Variants in ANKS1A observed in about 807,000 individuals in gnomAD.
ANKS1A encodes the protein ankyrin repeat and SAM domain-containing protein 1A.
A neutral mutation model predicts 120.3 loss-of-function variants in ANKS1A; 55 were observed. The observed-to-expected ratio is 0.46, with a 90% CI of 0.37 to 0.57. ANKS1A has a LOEUF of 0.57. Ranked by LOEUF, ANKS1A falls within the 20% of genes least tolerant of loss-of-function variation. The pLI, the probability that ANKS1A is intolerant of heterozygous loss-of-function variation, is 0.00. For synonymous variants in ANKS1A, 590 were observed against 604.7 expected, an observed-to-expected ratio of 0.98 and a Z score of 0.36; for missense variants, 1,123 against 1,480.3, an observed-to-expected ratio of 0.76 and a Z score of 3.96.
At chr6:34,957,032 C>T (rs1277105251) in intron 1 of ANKS1A, among the ~76,000 whole-genome samples, 10 of 152,242 alleles carry the variant, frequency 6.6e-5, no homozygotes, top group African/African-American at 1.4e-4. Flanking sequence ...GAATTGGCAT[C>T]GCCTTCACAG....
intron 1 of ANKS1A, among the ~76,000 whole-genome samples, chr6:34,953,570 C>G (rs765086229): frequency 6.6e-6 from 1 of 152,206 alleles, no homozygotes; most frequent in Non-Finnish European, 1.5e-5. Context: ...CTTTTTCTTG[C>G]TAATGGCATT....
intron 1 of ANKS1A, among the ~76,000 whole-genome samples, chr6:34,936,448 G>A (rs1769262670): frequency 6.6e-6 from 1 of 152,180 alleles, no homozygotes; most frequent in Non-Finnish European, 1.5e-5. Context: ...ACTGTAGATG[G>A]CTCAGGATAT....
chr6:34,922,619 C>T (rs533657980), intron 1 of ANKS1A, among the ~76,000 whole-genome samples: 53 of 151,956 alleles, frequency 3.5e-4, no homozygotes, highest in Admixed American at 1.0e-3. Flanking sequence ...ATAGGTTCTG[C>T]TGTGAGGTTG....
intron 13 of ANKS1A, among the ~76,000 whole-genome samples, chr6:35,067,886 ATT>A (rs750257307): frequency 0.032 from 3,376 of 106,744 alleles, 23 homozygotes; most frequent in Middle Eastern, 0.056. Context: ...TTCATTTTCA[ATT>A]TTTTTTTTTT....
chr6:34,973,907 TC>T (rs1771328690), intron 3 of ANKS1A, among the ~76,000 whole-genome samples: 1 of 67,792 alleles, frequency 1.5e-5, no homozygotes, highest in African/African-American at 5.9e-5. Flanking sequence ...CCCTTCCCCT[TC>T]CCCTTCCCTT....
At chr6:35,011,077 G>A (rs1293335406) in intron 10 of ANKS1A, among the ~76,000 whole-genome samples, 1 of 152,182 alleles carries the variant, frequency 6.6e-6, no homozygotes, top group Non-Finnish European at 1.5e-5. Context: ...ATGTAGAAGG[G>A]ATACTAATTC....
intron 14 of ANKS1A, 37 bp downstream of exon 14, chr6:35,078,693 G>C: frequency 6.3e-7 from 1 of 1,586,464 alleles, no homozygotes; most frequent in Non-Finnish European, 8.6e-7. Context: ...AGCCCGTGCG[G>C]AGCCAGGGCC....
At chr6:35,045,399 T>C (rs777513506) in intron 11 of ANKS1A, among the ~76,000 whole-genome samples, 195 of 152,346 alleles carry the variant, frequency 1.3e-3, no homozygotes, top group Non-Finnish European at 1.3e-3. Context: ...CGACTTTTTT[T>C]CACCTTATAG....
intron 1 of ANKS1A, among the ~76,000 whole-genome samples, chr6:34,948,038 G>GT (rs200177194): frequency 1.1e-4 from 16 of 149,890 alleles, no homozygotes; most frequent in African/African-American, 2.5e-4. Flanking sequence ...ATCGAAGTTT[G>GT]TTTGTTTTTT....
chr6:35,094,013 C>T (rs1778386943), downstream of ANKS1A, among the ~76,000 whole-genome samples: 1 of 152,146 alleles, frequency 6.6e-6, no homozygotes, highest in African/African-American at 2.4e-5. Flanking sequence ...CAGGGGCAGC[C>T]GGGAGTGCCA....
At chr6:34,935,906 C>CA (rs1298076624) in intron 1 of ANKS1A, among the ~76,000 whole-genome samples, 4 of 150,402 alleles carry the variant, frequency 2.7e-5, no homozygotes, top group African/African-American at 9.8e-5. Context: ...ACTAAAAATA[C>CA]AAAAAATTAG....
At chr6:35,068,765 G>A (rs1776921612) in intron 13 of ANKS1A, among the ~76,000 whole-genome samples, 1 of 152,170 alleles carries the variant, frequency 6.6e-6, no homozygotes. Flanking sequence ...TGCAAGAGAG[G>A]AGAGTTCAGC....
chr6:34,942,282 A>G (rs2127484595), intron 1 of ANKS1A, among the ~76,000 whole-genome samples: 1 of 152,334 alleles, frequency 6.6e-6, no homozygotes, highest in East Asian at 1.9e-4. Context: ...TCTCTCTAGA[A>G]CAACTGGTGA....
chr6:34,905,743 T>C (rs1315343014), intron 1 of ANKS1A, among the ~76,000 whole-genome samples: 1 of 152,158 alleles, frequency 6.6e-6, no homozygotes, highest in Non-Finnish European at 1.5e-5. Context: ...CTCTCCCTCT[T>C]TCATTGATTT....
Position 35,083,224 on chromosome 6 carries a change from C to T in ANKS1A, c.2905C>T (p.Arg969Trp), listed in dbSNP as rs200225104. The change falls in exon 19 of 24, where the codon CGG becomes TGG. Residue 969 changes from arginine to tryptophan, a missense_variant and splice_region_variant. By Grantham distance (101) the Arg-to-Trp change is moderately radical. Coordinates refer to ENST00000360359, the MANE Select transcript of ANKS1A (RefSeq NM_015245.3). The stretch of plus-strand genomic sequence containing the variant: ...CACGCAAGACGCCTGTGCCAAGATG[C>T]GGGTAGGGTGCCTGTGTGGGCTGGA... Reference protein sequence around the residue: ...ESTQDACAKMRKSTEHMKKIP... With the variant: ...ESTQDACAKMWKSTEHMKKIP... The T allele has an allele frequency of 6.2e-7, 1 of 1,614,044 alleles. No individual in the cohort carries two copies. Among genetic ancestry groups the T allele is most frequent in the Non-Finnish European group, 8.5e-7 (1 of 1,180,012 alleles).
At chr6:34,954,797 C>T (rs1347466994) in intron 1 of ANKS1A, among the ~76,000 whole-genome samples, 2 of 152,226 alleles carry the variant, frequency 1.3e-5, no homozygotes, top group African/African-American at 4.8e-5. Context: ...GATTCCCTTC[C>T]TGGGAAAGCA....
chr6:34,958,289 G>A (rs1047203405), intron 1 of ANKS1A, among the ~76,000 whole-genome samples: 15 of 152,192 alleles, frequency 9.9e-5, no homozygotes, highest in Admixed American at 6.5e-4. Context: ...TCAAACAGCC[G>A]CCAGTGCACC....
chr6:34,889,298 C>T lies in ANKS1A; in HGVS notation c.-105C>T. ...AAAAGGCAGGGAGGGGGTGGTGTCC[C>T]CAGCCGGTTTGGGGGGTGCGTTGCC... On this transcript the variant is annotated 5_prime_UTR_variant, in exon 1 of 24. Transcript: ENST00000360359. This position sits in a 1 kb window ranked among gnomAD's most constrained non-coding sequence, Gnocchi z 5.5. 1 of 1,218,580 alleles carries T rather than the reference C, an allele frequency of 8.2e-7. No homozygotes were observed. The highest frequency in any genetic ancestry group is 4.1e-5 in the South Asian group (1 of 24,476). 75.5% of individuals were successfully genotyped at this position (1,218,580 alleles called of 1,614,324 possible).
In ANKS1A at chr6:34,889,745, A is replaced by G; in HGVS notation, c.197+146A>G. 1 of 1,060,240 alleles carries G rather than the reference A, an allele frequency of 9.4e-7. No homozygotes were observed. The highest frequency in any genetic ancestry group is 1.2e-6 in the Non-Finnish European group (1 of 852,442). The allele number at this position is 1,060,240 out of a possible 1,614,324, so 65.7% of individuals were successfully genotyped here. On this transcript the variant is annotated intron_variant, in intron 1 of 23. Coordinates refer to ENST00000360359, the MANE Select transcript of ANKS1A (RefSeq NM_015245.3). This position sits in a 1 kb window ranked among gnomAD's most constrained non-coding sequence, Gnocchi z 5.5. Reference sequence around the variant, plus strand: ...GGGCGAGGCAGGCGGCCCGCGGGCCAGGGTACCGGAGGGCGCGCAGGTCCG... The same window carrying G: ...GGGCGAGGCAGGCGGCCCGCGGGCCGGGGTACCGGAGGGCGCGCAGGTCCG...
Sources: gnomAD v4.1 joint callset for allele counts (sites outside exome capture counted in the v4.1 genomes callset) on GRCh38, gnomAD v4.1.1 for gene constraint, Gnocchi (gnomAD v3.1) non-coding constraint, MANE v1.5 for transcripts, NCBI Gene and HGNC (gene_info 2026-07-23, HGNC 2026-07-21) for gene names.